The following OPRK1 variants were observed in gnomAD, a reference collection of about 807,000 sequenced individuals.
OPRK1 encodes opioid receptor kappa 1, also known as kappa-type opioid receptor.
In OPRK1, 15 loss-of-function variants were observed where a neutral mutation model predicts 24.5. That is an observed-to-expected ratio of 0.61 (90% CI 0.41 to 0.94). The LOEUF is 0.94. Ranked by LOEUF, OPRK1 falls within the 40% of genes least tolerant of loss-of-function variation. OPRK1 has a pLI of 0.00. For missense variants in OPRK1, 479 were observed against 507.3 expected, an observed-to-expected ratio of 0.94 and a Z score of 0.54; for synonymous variants, 205 against 198.0, an observed-to-expected ratio of 1.04 and a Z score of -0.30.
At chr8:53,238,604 C>T (rs550697708) in intron 2 of OPRK1, 4 of 985,414 alleles carry the variant, frequency 4.1e-6, no homozygotes, top group South Asian at 9.4e-5. Flanking sequence ...GAAATGCTCC[C>T]CAGTGACACT....
At chr8:53,238,726 G>A (rs959303669) in intron 2 of OPRK1, 18 of 985,384 alleles carry the variant, frequency 1.8e-5, no homozygotes, top group Middle Eastern at 5.2e-4. Flanking sequence ...GTTATCTGCT[G>A]AGATGTCAGG....
intron 2 of OPRK1, chr8:53,238,873 C>T (rs77976650): frequency 5.9e-5 from 10 of 169,522 alleles, no homozygotes; most frequent in Admixed American, 1.3e-4. Context: ...TGGCTGTACT[C>T]AGACAATATG....
chr8:53,237,248 T>A (rs1195097455), intron 2 of OPRK1, among the ~76,000 whole-genome samples: 1 of 152,110 alleles, frequency 6.6e-6, no homozygotes, highest in Non-Finnish European at 1.5e-5. Flanking sequence ...AAGGTGAGAA[T>A]AAAAAGGAGC....
rs2128807118 is a variant in OPRK1 at position 53,227,337 on chromosome 8, CTGTTATACTT to C, written c.*1950_*1959del. The C allele has an allele frequency of 6.6e-6, 1 of 151,670 alleles. No homozygotes were observed. The highest frequency in any genetic ancestry group is 6.5e-5 in the Admixed American group (1 of 15,272). 9.4% of individuals were successfully genotyped at this position (151,670 alleles called of 1,614,324 possible). A position where few individuals can be genotyped will look rare whatever the true frequency, so the allele number is the denominator to read the frequency against. On this transcript the variant is annotated 3_prime_UTR_variant, in exon 4 of 4. Transcript: ENST00000265572. ...GTGATTTCATCTCATAATCCTATCTCTGTTATACTTTGCACTGGAAAGGAATCTGACGAGA... is the reference window on the plus strand; with the variant it reads ...GTGATTTCATCTCATAATCCTATCTCTGCACTGGAAAGGAATCTGACGAGA...
chr8:53,232,552 A>T (rs1323339836), intron 3 of OPRK1, among the ~76,000 whole-genome samples: 2 of 152,180 alleles, frequency 1.3e-5, no homozygotes, highest in African/African-American at 2.4e-5. Context: ...AGCATTTTTT[A>T]AAAAAGAAAT....
At chr8:53,238,635 C>T (rs957662520) in intron 2 of OPRK1, 15 of 985,316 alleles carry the variant, frequency 1.5e-5, no homozygotes, top group African/African-American at 1.4e-4. Context: ...ACCATCCTAG[C>T]GTACTTCTCT....
chr8:53,230,972 TAATAG>T (rs1194299508), intron 3 of OPRK1, among the ~76,000 whole-genome samples: 3 of 152,218 alleles, frequency 2.0e-5, no homozygotes, highest in Non-Finnish European at 2.9e-5. Context: ...AATGCAATCT[TAATAG>T]AATATCCAAT....
At chr8:53,229,900 A>C in intron 3 of OPRK1, 71 bp from the exon 4 acceptor site, 2 of 1,400,310 alleles carry the variant, frequency 1.4e-6, no homozygotes, top group Non-Finnish European at 1.9e-6. Context: ...AAAGTGTTTT[A>C]AATATGAATT....
intron 2 of OPRK1, among the ~76,000 whole-genome samples, chr8:53,236,909 T>C (rs1458243134): frequency 1.3e-5 from 2 of 152,168 alleles, no homozygotes; most frequent in African/African-American, 4.8e-5. Context: ...GAAGTCAGAG[T>C]GGCATTCTTT....
At position 53,229,273 on chromosome 8, in the gene OPRK1, G is replaced by A; in HGVS notation, c.*24C>T. 6.3e-7 allele frequency: 1 copy of A among 1,598,680 alleles called. No individual in the cohort carries two copies. Among genetic ancestry groups the A allele is most frequent in the South Asian group, 1.1e-5 (1 of 88,248 alleles). ...TGAACTCCTCTCTTCCCGAAGAACT[G>A]TACGAAGACATCTCCACGACTAGTC... On this transcript the variant is annotated 3_prime_UTR_variant, in exon 4 of 4. Coordinates refer to ENST00000265572, the MANE Select transcript of OPRK1 (RefSeq NM_000912.5).
At chr8:53,231,676 C>T (rs752585401) in intron 3 of OPRK1, among the ~76,000 whole-genome samples, 53 of 152,182 alleles carry the variant, frequency 3.5e-4, no homozygotes, top group Non-Finnish European at 6.5e-4. Flanking sequence ...AACACTGAAT[C>T]CCTGGCACCT....
At position 53,227,412 on chromosome 8, in the gene OPRK1, T is replaced by C. The variant is rs1265791549; in HGVS notation, c.*1885A>G. ...TTCCTGTTCCATAAAGAAGTTTTTA[T>C]ATTTCCTATTTCACCAGGGCTTGTT... On this transcript the variant is annotated 3_prime_UTR_variant, in exon 4 of 4. Coordinates refer to ENST00000265572, the MANE Select transcript of OPRK1 (RefSeq NM_000912.5). 1 of 152,282 alleles carries C rather than the reference T, an allele frequency of 6.6e-6. No homozygotes were observed. The highest frequency in any genetic ancestry group is 1.5e-5 in the Non-Finnish European group (1 of 68,072). 9.4% of individuals were successfully genotyped at this position (152,282 alleles called of 1,614,324 possible).
intron 2 of OPRK1, among the ~76,000 whole-genome samples, chr8:53,243,100 A>C (rs982944835): frequency 4.6e-5 from 7 of 152,184 alleles, no homozygotes; most frequent in African/African-American, 1.4e-4. Flanking sequence ...TTCTGAAACT[A>C]TCTCTTGTTA....
At chr8:53,230,553 A>G (rs1252722205) in intron 3 of OPRK1, among the ~76,000 whole-genome samples, 1 of 152,222 alleles carries the variant, frequency 6.6e-6, no homozygotes, top group Non-Finnish European at 1.5e-5. Context: ...TATGTAGCTC[A>G]GATAAAACAA....
chr8:53,248,337 C>T (rs1276133220), intron 2 of OPRK1, among the ~76,000 whole-genome samples: 6 of 150,114 alleles, frequency 4.0e-5, no homozygotes, highest in African/African-American at 9.8e-5. Context: ...TGCACCTGCC[C>T]ACACTCTGAG....
chr8:53,244,904 T>C lies in OPRK1; in HGVS notation c.257+5877A>G, dbSNP rs138379062. Among the ~76,000 whole-genome samples the C allele has an allele frequency of 5.2e-3, 798 of 152,310 alleles. 7 individuals are homozygous for C. Among genetic ancestry groups the C allele is most frequent in the African/African-American group, 0.018 (731 of 41,554 alleles). On this transcript the variant is annotated intron_variant, in intron 2 of 3. Transcript: ENST00000265572. The stretch of plus-strand genomic sequence containing the variant: ...TATCCCTGGGGGAGTGGTTCCAGGA[T>C]GCCCCCGTCAGATCCAAAATCCATG...
chr8:53,232,494 A>T (rs926338025), intron 3 of OPRK1, among the ~76,000 whole-genome samples: 2 of 152,192 alleles, frequency 1.3e-5, no homozygotes, highest in African/African-American at 4.8e-5. Flanking sequence ...TCAAAATAGC[A>T]CTGGTACCCC....
Position 53,251,029 on chromosome 8 carries a change from G to A in OPRK1, c.9C>T (p.Ser3=). The change falls in exon 2 of 4, where the codon TCC becomes TCT. Residue 3 remains serine, a synonymous_variant. Transcript: ENST00000265572. MD[S]PIQIFRGEPG... ...GCTCCCCGCGGAAGATCTGGATCGGGGAGTCCATGGTGGGGCGATTGCAGC... is the reference window on the plus strand; with the variant it reads ...GCTCCCCGCGGAAGATCTGGATCGGAGAGTCCATGGTGGGGCGATTGCAGC... The A allele has an allele frequency of 6.4e-7, 1 of 1,555,926 alleles. No homozygotes were observed. The highest frequency in any genetic ancestry group is 8.7e-7 in the Non-Finnish European group (1 of 1,155,452).
chr8:53,250,504 A>G (rs1055584695), intron 2 of OPRK1, among the ~76,000 whole-genome samples: 2 of 152,164 alleles, frequency 1.3e-5, no homozygotes, highest in Admixed American at 1.3e-4. Flanking sequence ...CAGCAGAAAC[A>G]CTGGGCCCTA....
Sources: gnomAD v4.1 joint callset for allele counts (sites outside exome capture counted in the v4.1 genomes callset) on GRCh38, gnomAD v4.1.1 for gene constraint, MANE v1.5 for transcripts, NCBI Gene and HGNC (gene_info 2026-07-23, HGNC 2026-07-21) for gene names.